Variants in TDRD5 observed in about 807,000 individuals in gnomAD.
The protein encoded by TDRD5 is tudor domain-containing protein 5.
Under a neutral mutation model 120.6 loss-of-function variants are expected in TDRD5, and 41 were observed. The ratio of observed to expected loss-of-function variants is 0.34; its 90% CI spans 0.26 to 0.44. The LOEUF is 0.44. Among genes scored for constraint, TDRD5 ranks in the 20% least tolerant of loss-of-function variants. The pLI, the probability that TDRD5 is intolerant of heterozygous loss-of-function variation, is 1.00. For missense variants in TDRD5, 1,006 were observed against 1,221.2 expected (o/e 0.82, Z 2.63); for synonymous variants, 430 against 433.7 (o/e 0.99, Z 0.11).
intron 14 of TDRD5, among the ~76,000 whole-genome samples, chr1:179,656,096 C>T (rs901297977): frequency 6.6e-6 from 1 of 152,064 alleles, no homozygotes; most frequent in African/African-American, 2.4e-5. Flanking sequence ...ATTTTCTTGT[C>T]AGCACTTGAC....
intron 4 of TDRD5, among the ~76,000 whole-genome samples, chr1:179,597,762 G>C (rs1675483700): frequency 6.6e-6 from 1 of 152,118 alleles, no homozygotes; most frequent in East Asian, 1.9e-4. Flanking sequence ...AGCCAGATTT[G>C]CCTAAGGTAC....
chr1:179,603,299 G>A (rs1347061707), intron 4 of TDRD5, among the ~76,000 whole-genome samples: 1 of 152,062 alleles, frequency 6.6e-6, no homozygotes, highest in African/African-American at 2.4e-5. Context: ...GGTTTTCAAG[G>A]TAAATGATCA....
At chr1:179,679,717 C>CCT (rs35007382) in intron 17 of TDRD5, among the ~76,000 whole-genome samples, 1 of 150,734 alleles carries the variant, frequency 6.6e-6, no homozygotes, top group Non-Finnish European at 1.5e-5. Flanking sequence ...TTTTTCCCCC[C>CCT]ATCTAGAGGT....
chr1:179,662,256 G>C lies in TDRD5; in HGVS notation c.2475G>C (p.Gln825His). The change falls in exon 15 of 18, where the codon CAG (glutamine) becomes CAC (histidine). Residue 825 changes from glutamine to histidine, a missense_variant. By Grantham distance (24) the Gln-to-His change is conservative. Coordinates refer to ENST00000444136, the MANE Select transcript of TDRD5 (RefSeq NM_001199085.3). ...LFTASLGGKN[Q>H]YSSCKEMPQK... ...CTGCAAGCCTTGGTGGAAAGAATCAGTATTCATCATGTAAAGAAATGCCAC... is the reference window on the plus strand; with the variant it reads ...CTGCAAGCCTTGGTGGAAAGAATCACTATTCATCATGTAAAGAAATGCCAC... 6.2e-7 allele frequency: 1 copy of C among 1,607,898 alleles called. No individual in the cohort carries two copies.
At chr1:179,690,649 G>GT (rs1166887709) in intron 17 of TDRD5, 47 bp from the exon 18 acceptor site, 1 of 1,588,558 alleles carries the variant, frequency 6.3e-7, no homozygotes, top group East Asian at 2.2e-5. Flanking sequence ...GAGGCAGTGA[G>GT]TATGAGTACC....
intron 14 of TDRD5, among the ~76,000 whole-genome samples, chr1:179,657,120 T>C (rs1466223035): frequency 6.6e-6 from 1 of 152,224 alleles, no homozygotes; most frequent in East Asian, 1.9e-4. Flanking sequence ...AAATTGTTTT[T>C]AATATTTTGG....
intron 4 of TDRD5, among the ~76,000 whole-genome samples, chr1:179,603,662 A>G (rs1166518608): frequency 2.0e-5 from 3 of 152,152 alleles, no homozygotes; most frequent in African/African-American, 7.2e-5. Flanking sequence ...AATTCTGTTT[A>G]TGTGGTGTAT....
intron 6 of TDRD5, among the ~76,000 whole-genome samples, chr1:179,622,264 G>A (rs547552280): frequency 5.5e-4 from 83 of 152,230 alleles, no homozygotes; most frequent in African/African-American, 2.0e-3. Context: ...GCCCATCAAA[G>A]GGTGGCAGAT....
intron 4 of TDRD5, among the ~76,000 whole-genome samples, chr1:179,606,318 C>A (rs1327810844): frequency 6.6e-6 from 1 of 150,728 alleles, no homozygotes; most frequent in Non-Finnish European, 1.5e-5. Flanking sequence ...TTTAAGAGTT[C>A]TTTGTTTTGT....
intron 17 of TDRD5, among the ~76,000 whole-genome samples, chr1:179,671,358 A>G (rs977060723): frequency 3.9e-5 from 6 of 152,188 alleles, no homozygotes; most frequent in Admixed American, 3.3e-4. Context: ...GCTTGTCAGT[A>G]TCTGCACAAA....
intron 3 of TDRD5, among the ~76,000 whole-genome samples, chr1:179,595,348 C>T (rs1445482229): frequency 6.6e-6 from 1 of 151,980 alleles, no homozygotes. Context: ...ATATTGAATC[C>T]CACCTCTCTA....
In TDRD5 at chr1:179,635,771, C is replaced by T. The variant is rs1439073447; in HGVS notation, c.1404C>T (p.Asp468=). 2.5e-6 allele frequency: 4 copies of T among 1,613,938 alleles called. No homozygotes were observed. Among genetic ancestry groups the T allele is most frequent in the Admixed American group, 3.3e-5 (2 of 59,998 alleles). The change falls in exon 9 of 18, where the codon GAC becomes GAT. Residue 468 remains aspartate (D), a synonymous_variant. Coordinates refer to ENST00000444136, the MANE Select transcript of TDRD5 (RefSeq NM_001199085.3). Reference sequence around the variant, plus strand: ...AATTATGCAGACTCCCACCATTAGACACCAGTTCCCTCATAGGGGTCTTTG... The same window carrying T: ...AATTATGCAGACTCCCACCATTAGATACCAGTTCCCTCATAGGGGTCTTTG... ...NKKLCRLPPL[D]TSSLIGVFVE... is the part of the protein sequence containing the mutation.
At chr1:179,649,715 G>A (rs1678606529) in intron 11 of TDRD5, among the ~76,000 whole-genome samples, 1 of 152,038 alleles carries the variant, frequency 6.6e-6, no homozygotes, top group Non-Finnish European at 1.5e-5. Context: ...TTGAGGATTT[G>A]TTATATTGTT....
At chr1:179,661,989 G>T in intron 14 of TDRD5, 115 bp from the exon 15 acceptor site, 1 of 928,528 alleles carries the variant, frequency 1.1e-6, no homozygotes, top group Non-Finnish European at 1.5e-6. Flanking sequence ...AATAAATTGT[G>T]AATTCAAACT....
chr1:179,644,033 AAG>A (rs755035447), intron 11 of TDRD5, among the ~76,000 whole-genome samples: 1 of 152,202 alleles, frequency 6.6e-6, no homozygotes, highest in Non-Finnish European at 1.5e-5. Flanking sequence ...GAAAGAGAAA[AAG>A]AAGTCAAGCT....
At position 179,595,622 on chromosome 1, in the gene TDRD5, C is replaced by T. The variant is rs746580308; in HGVS notation, c.641-6C>T. ...TTTTTCTTTCTTCTTCTATTACTCA[C>T]AAAAGGTAAAATTTTTACCCAGCCA... On this transcript the variant is annotated splice_region_variant and splice_polypyrimidine_tract_variant and intron_variant, in intron 3 of 17. Coordinates refer to ENST00000444136, the MANE Select transcript of TDRD5 (RefSeq NM_001199085.3). The T allele has an allele frequency of 7.8e-6, 12 of 1,543,972 alleles. No individual in the cohort carries two copies. The highest frequency in any genetic ancestry group is 4.3e-5 in the Admixed American group (2 of 47,044).
intron 17 of TDRD5, among the ~76,000 whole-genome samples, chr1:179,689,856 C>A (rs1681021643): frequency 1.3e-5 from 2 of 152,222 alleles, no homozygotes; most frequent in African/African-American, 4.8e-5. Flanking sequence ...CCAAGCCAGG[C>A]ATGGGATATA....
At chr1:179,632,068 A>G (rs947406985) in intron 7 of TDRD5, among the ~76,000 whole-genome samples, 7 of 151,504 alleles carry the variant, frequency 4.6e-5, no homozygotes, top group Admixed American at 6.6e-5. Context: ...CACCACGCCC[A>G]GCTAATTTTT....
intron 16 of TDRD5, among the ~76,000 whole-genome samples, chr1:179,668,899 C>T (rs560697666): frequency 5.9e-5 from 9 of 151,888 alleles, no homozygotes; most frequent in Admixed American, 3.3e-4. Context: ...CCTGCCACCA[C>T]GCCCAGCTAA....
Sources: allele counts gnomAD v4.1 joint callset (sites outside exome capture counted in the v4.1 genomes callset), GRCh38; gene constraint gnomAD v4.1.1; transcripts MANE v1.5; gene names NCBI Gene and HGNC (gene_info 2026-07-23, HGNC 2026-07-21).